Variants in PTPRD observed in about 807,000 individuals in gnomAD.
PTPRD encodes the protein protein tyrosine phosphatase receptor type D, also known as receptor-type tyrosine-protein phosphatase delta.
In PTPRD, 34 loss-of-function variants were observed where a neutral mutation model predicts 214.5. The observed-to-expected ratio is 0.16, with a 90% CI of 0.12 to 0.21. The LOEUF (loss-of-function observed/expected upper bound fraction) is 0.21, where lower values mean the gene tolerates loss of function less well. PTPRD is among the 10% of genes least tolerant of loss of function. The probability of loss-of-function intolerance (pLI) is 1.00; values close to 1 mark genes in which losing one functional copy is unlikely to be tolerated. For synonymous variants in PTPRD, 1,128 were observed against 845.7 expected, an observed-to-expected ratio of 1.33 and a Z score of -5.79; for missense variants, 2,545 against 2,398.7, an observed-to-expected ratio of 1.06 and a Z score of -1.27.
intron 11 of PTPRD, among the ~76,000 whole-genome samples, chr9:8,827,955 A>T (rs919660174): frequency 1.3e-5 from 2 of 152,330 alleles, no homozygotes; most frequent in East Asian, 3.9e-4. Flanking sequence ...ATTAGTACTT[A>T]TCACCATCCC....
chr9:8,441,158 C>T (rs1428301627), intron 34 of PTPRD, among the ~76,000 whole-genome samples: 1 of 152,096 alleles, frequency 6.6e-6, no homozygotes, highest in Non-Finnish European at 1.5e-5. Context: ...TCACAATGAG[C>T]AGGTTTCCAG....
intron 11 of PTPRD, among the ~76,000 whole-genome samples, chr9:8,827,313 A>T (rs1340412154): frequency 6.6e-6 from 1 of 151,554 alleles, no homozygotes; most frequent in African/African-American, 2.4e-5. Context: ...TATTGAAAAA[A>T]TTTTAGTTTT....
At chr9:8,421,655 C>T (rs1477500599) in intron 35 of PTPRD, among the ~76,000 whole-genome samples, 1 of 152,028 alleles carries the variant, frequency 6.6e-6, no homozygotes, top group Admixed American at 6.6e-5. Flanking sequence ...GAGTTTGGCC[C>T]AAATTGACAA....
intron 4 of PTPRD, among the ~76,000 whole-genome samples, chr9:10,019,200 AG>A (rs1484468512): frequency 1.3e-5 from 2 of 152,194 alleles, no homozygotes; most frequent in Admixed American, 1.3e-4. Context: ...TGGCCATCAG[AG>A]AAATGCAAAT....
intron 35 of PTPRD, among the ~76,000 whole-genome samples, chr9:8,409,558 T>C (rs988906116): frequency 1.3e-5 from 2 of 152,220 alleles, no homozygotes; most frequent in Non-Finnish European, 2.9e-5. Flanking sequence ...AATTATATCC[T>C]GATATGGGAG....
chr9:10,517,881 G>T (rs1193901397), intron 2 of PTPRD, among the ~76,000 whole-genome samples: 1 of 152,104 alleles, frequency 6.6e-6, no homozygotes, highest in Admixed American at 6.6e-5. Context: ...ATAAGTCAAT[G>T]AAAATGAATA....
intron 11 of PTPRD, among the ~76,000 whole-genome samples, chr9:8,879,158 G>C (rs1320798040): frequency 6.6e-6 from 1 of 152,160 alleles, no homozygotes; most frequent in Non-Finnish European, 1.5e-5. Flanking sequence ...ATAGGCGTAT[G>C]TTGTCTTTTC....
At chr9:9,646,187 G>C (rs1202848036) in intron 7 of PTPRD, among the ~76,000 whole-genome samples, 2 of 152,168 alleles carry the variant, frequency 1.3e-5, no homozygotes, top group East Asian at 3.9e-4. Context: ...GGGTCTGTTG[G>C]TGGTAAACTT....
At chr9:10,314,818 T>C (rs751734598) in intron 3 of PTPRD, among the ~76,000 whole-genome samples, 16 of 152,080 alleles carry the variant, frequency 1.1e-4, no homozygotes, top group Non-Finnish European at 2.2e-4. Flanking sequence ...TTAGAAGTTA[T>C]GTCTTCAAAT....
intron 10 of PTPRD, among the ~76,000 whole-genome samples, chr9:9,070,958 C>T (rs59604827): frequency 0.028 from 4,234 of 152,114 alleles, 75 homozygotes; most frequent in East Asian, 0.064. Context: ...GGCTGGAGTG[C>T]AGGCTGTAGT....
intron 2 of PTPRD, among the ~76,000 whole-genome samples, chr9:10,433,241 T>C (rs1486765543): frequency 2.0e-5 from 3 of 151,994 alleles, no homozygotes; most frequent in Non-Finnish European, 4.4e-5. Flanking sequence ...TATAAGTTTA[T>C]ATACACACAG....
intron 5 of PTPRD, among the ~76,000 whole-genome samples, chr9:9,839,204 C>T (rs906553730): frequency 4.0e-5 from 6 of 151,888 alleles, no homozygotes; most frequent in African/African-American, 1.5e-4. Flanking sequence ...CTGGCCAGGA[C>T]AATTAGGCAG....
intron 11 of PTPRD, among the ~76,000 whole-genome samples, chr9:8,853,521 C>T (rs1002797667): frequency 2.0e-5 from 3 of 152,108 alleles, no homozygotes; most frequent in African/African-American, 7.2e-5. Flanking sequence ...AATGAGATTA[C>T]CCATATAGAA....
intron 2 of PTPRD, among the ~76,000 whole-genome samples, chr9:10,525,969 TAATTA>T (rs1490526170): frequency 1.3e-5 from 2 of 152,058 alleles, no homozygotes; most frequent in Non-Finnish European, 2.9e-5. Context: ...ACATTTAAAT[TAATTA>T]AAAGTAAATA....
intron 2 of PTPRD, among the ~76,000 whole-genome samples, chr9:10,528,730 T>A (rs766363061): frequency 2.0e-5 from 3 of 152,186 alleles, no homozygotes; most frequent in South Asian, 2.1e-4. Flanking sequence ...AATCCTGACT[T>A]CTTCTGAAGG....
At chr9:10,507,845 C>A (rs2046562213) in intron 2 of PTPRD, among the ~76,000 whole-genome samples, 1 of 152,042 alleles carries the variant, frequency 6.6e-6, no homozygotes, top group African/African-American at 2.4e-5. Context: ...CCATAAAAAC[C>A]CTAGAAGAAA....
At chr9:9,473,559 T>G (rs2094787912) in intron 8 of PTPRD, among the ~76,000 whole-genome samples, 1 of 152,168 alleles carries the variant, frequency 6.6e-6, no homozygotes, top group Admixed American at 6.5e-5. Flanking sequence ...CCATCCTGTT[T>G]TTCACAACTG....
intron 7 of PTPRD, among the ~76,000 whole-genome samples, chr9:9,653,822 A>G (rs2096440581): frequency 6.6e-6 from 1 of 152,266 alleles, no homozygotes. Flanking sequence ...GACACATGGT[A>G]TCTGAAGTGA....
At chr9:10,381,687 G>A (rs118042336) in intron 2 of PTPRD, among the ~76,000 whole-genome samples, 3 of 151,884 alleles carry the variant, frequency 2.0e-5, no homozygotes, top group Admixed American at 1.3e-4. Context: ...CAGGAAACTA[G>A]GATGTAGTTT....
Sources: allele counts gnomAD v4.1 joint callset (sites outside exome capture counted in the v4.1 genomes callset), GRCh38; gene constraint gnomAD v4.1.1; transcripts MANE v1.5; gene names NCBI Gene and HGNC (gene_info 2026-07-23, HGNC 2026-07-21).